Variants in ATL1 observed in about 807,000 individuals in gnomAD.
ATL1 encodes the protein atlastin-1.
ATL1 carries 31 observed loss-of-function variants against 75.5 expected under a neutral mutation model. The ratio of observed to expected loss-of-function variants is 0.41; its 90% CI spans 0.31 to 0.55. The LOEUF is 0.55. Among genes scored for constraint, ATL1 ranks in the 20% least tolerant of loss-of-function variants. The pLI, the probability that ATL1 is intolerant of heterozygous loss-of-function variation, is 0.27. For synonymous variants in ATL1, 226 were observed against 233.3 expected, an observed-to-expected ratio of 0.97 and a Z score of 0.28; for missense variants, 405 against 662.6, an observed-to-expected ratio of 0.61 and a Z score of 4.27.
intron 6 of ATL1, among the ~76,000 whole-genome samples, chr14:50,597,486 A>G (rs970727086): frequency 3.9e-5 from 6 of 152,110 alleles, no homozygotes; most frequent in Non-Finnish European, 5.9e-5. Context: ...AGTATTTACT[A>G]CCGGAGAGGA....
chr14:50,604,882 A>G (rs1845416), intron 6 of ATL1, among the ~76,000 whole-genome samples: 120,992 of 151,918 alleles, frequency 0.8, 48,945 homozygotes, highest in African/African-American at 0.94. Context: ...TGTACTGTAT[A>G]TGGTACCATC....
chr14:50,630,531 C>T (rs1047701768), intron 13 of ATL1, among the ~76,000 whole-genome samples: 1 of 152,154 alleles, frequency 6.6e-6, no homozygotes, highest in African/African-American at 2.4e-5. Flanking sequence ...TCTCCTACCG[C>T]ACATGTGCAA....
chr14:50,595,732 A>G (rs576571763), intron 6 of ATL1, 100 bp downstream of exon 6: 206 of 1,146,886 alleles, frequency 1.8e-4, no homozygotes, highest in Non-Finnish European at 2.5e-4. Context: ...TTTTTATTTC[A>G]TTGAGAAACC....
In ATL1 at chr14:50,618,579, A is replaced by G. The variant is rs147717466; in HGVS notation, c.863-2020A>G. 5.4e-3 allele frequency among the ~76,000 whole-genome samples: 827 copies of G among 152,326 alleles called. 12 individuals are homozygous for G. Among genetic ancestry groups the G allele is most frequent in the African/African-American group, 0.019 (792 of 41,584 alleles). ...TCATGCTTGTGTGTGTTATAAAAGA[A>G]GTAAAGAAAACAAATTCTAACATAA... On this transcript the variant is annotated intron_variant, in intron 8 of 13. Transcript: ENST00000358385.
chr14:50,619,338 C>T (rs937406280), intron 8 of ATL1, among the ~76,000 whole-genome samples: 29 of 152,084 alleles, frequency 1.9e-4, no homozygotes, highest in African/African-American at 5.1e-4. Flanking sequence ...GGATTACAGG[C>T]GTAAGCCACT....
intron 9 of ATL1, among the ~76,000 whole-genome samples, chr14:50,621,246 C>T (rs1050252146): frequency 6.6e-6 from 1 of 152,156 alleles, no homozygotes; most frequent in African/African-American, 2.4e-5. Flanking sequence ...TTTTACCAAC[C>T]CGTATATATC....
intron 1 of ATL1, among the ~76,000 whole-genome samples, chr14:50,539,214 A>G (rs572188812): frequency 1.8e-4 from 28 of 152,366 alleles, no homozygotes; most frequent in South Asian, 6.2e-4. Context: ...CAATTACTCA[A>G]ACTATCAGCA....
intron 1 of ATL1, among the ~76,000 whole-genome samples, chr14:50,535,867 G>C (rs2038484785): frequency 6.6e-6 from 1 of 152,162 alleles, no homozygotes; most frequent in East Asian, 1.9e-4. Flanking sequence ...GGAGGGACCA[G>C]GTAGGAGGTA....
chr14:50,613,912 T>C (rs1160044150), intron 7 of ATL1, among the ~76,000 whole-genome samples: 1 of 152,214 alleles, frequency 6.6e-6, no homozygotes, highest in Non-Finnish European at 1.5e-5. Context: ...GAGGGTGATT[T>C]AGCTTGTAAG....
At chr14:50,543,436 T>G (rs2038590949) in intron 1 of ATL1, among the ~76,000 whole-genome samples, 1 of 152,218 alleles carries the variant, frequency 6.6e-6, no homozygotes, top group Admixed American at 6.5e-5. Flanking sequence ...TTGGAAAGCT[T>G]CTATTAGTGC....
chr14:50,614,132 A>G lies in ATL1; in HGVS notation c.724-241A>G, dbSNP rs572178051. Among the ~76,000 whole-genome samples, 30 of 152,332 alleles carry G rather than the reference A, an allele frequency of 2.0e-4. No homozygotes were observed. The East Asian group carries it at 4.6e-3, about 23-fold the overall frequency. ...TTTGTATTAAAAAATGGGAAGGTCC[A>G]TGTGAGTTAGCATAAGGGTAGACAC... On this transcript the variant is annotated intron_variant, in intron 7 of 13. Transcript: ENST00000358385.
At position 50,632,358 on chromosome 14, in the gene ATL1, C is replaced by G; in HGVS notation, c.*19C>G. 1 of 1,474,156 alleles carries G rather than the reference C, an allele frequency of 6.8e-7. No individual in the cohort carries two copies. The highest frequency in any genetic ancestry group is 1.7e-5 in the Admixed American group (1 of 59,634). 91.3% of individuals were successfully genotyped at this position (1,474,156 alleles called of 1,614,324 possible). A position where few individuals can be genotyped will look rare whatever the true frequency, so the allele number is the denominator to read the frequency against. Reference sequence around the variant, plus strand: ...AATGTAATGCAAATTTTAAGAAATACAGGTGCATGACCAATTGTCAATTAA... The same window carrying G: ...AATGTAATGCAAATTTTAAGAAATAGAGGTGCATGACCAATTGTCAATTAA... On this transcript the variant is annotated 3_prime_UTR_variant, in exon 14 of 14. Transcript: ENST00000358385.
intron 8 of ATL1, 41 bp downstream of exon 8, chr14:50,614,552 G>A: frequency 1.2e-6 from 2 of 1,602,496 alleles, no homozygotes; most frequent in African/African-American, 1.3e-5. Context: ...CACTTAGTCT[G>A]ATTATAAAAA....
rs1322460167 is a variant in ATL1 at position 50,562,917 on chromosome 14, T to C, written c.34+2618T>C. Among the ~76,000 whole-genome samples the C allele has an allele frequency of 3.9e-5, 6 of 152,198 alleles. No individual in the cohort carries two copies. In the East Asian group the frequency reaches 1.2e-3, roughly 29 times the overall value. Reference sequence around the variant, plus strand: ...GTATCTAATAGAATGCCTAACACAGTAGGCATTTAGTAACAGCAATAGTAG... The same window carrying C: ...GTATCTAATAGAATGCCTAACACAGCAGGCATTTAGTAACAGCAATAGTAG... On this transcript the variant is annotated intron_variant, in intron 1 of 13. Coordinates refer to ENST00000358385, the MANE Select transcript of ATL1 (RefSeq NM_015915.5).
intron 3 of ATL1, 49 bp from the exon 4 acceptor site, chr14:50,591,486 G>A (rs1195995763): frequency 2.5e-6 from 3 of 1,216,306 alleles, no homozygotes; most frequent in Non-Finnish European, 3.7e-6. Flanking sequence ...TAACCCTAAT[G>A]ACCTAGATGT....
Position 50,628,490 on chromosome 14 carries a change from A to G in ATL1, c.1551+28A>G, listed in dbSNP as rs752923203. 35 of 1,606,602 alleles carry G rather than the reference A, an allele frequency of 2.2e-5. No homozygotes were observed. The South Asian group carries it at 3.6e-4, about 17-fold the overall frequency. On this transcript the variant is annotated intron_variant, in intron 12 of 13. Transcript: ENST00000358385. ...AAGAACACCTTTAATTCACAACTAA[A>G]TTCAGCACACATTTGAATGTCATCC...
intron 1 of ATL1, among the ~76,000 whole-genome samples, chr14:50,537,395 G>A (rs2038507927): frequency 6.6e-6 from 1 of 152,218 alleles, no homozygotes; most frequent in Non-Finnish European, 1.5e-5. Flanking sequence ...TGCCCTCACG[G>A]AGAACCTCTG....
At chr14:50,629,015 C>T (rs1449907386) in intron 12 of ATL1, among the ~76,000 whole-genome samples, 2 of 152,100 alleles carry the variant, frequency 1.3e-5, no homozygotes, top group Non-Finnish European at 2.9e-5. Context: ...ACCCAGCCTA[C>T]TTTTTATTAT....
At chr14:50,576,501 A>G (rs1391528744) in intron 1 of ATL1, among the ~76,000 whole-genome samples, 2 of 152,200 alleles carry the variant, frequency 1.3e-5, no homozygotes, top group African/African-American at 4.8e-5. Flanking sequence ...AACTGAGTTT[A>G]ATTTAGCAAA....
Sources: allele counts gnomAD v4.1 joint callset (sites outside exome capture counted in the v4.1 genomes callset), GRCh38; gene constraint gnomAD v4.1.1; transcripts MANE v1.5; gene names NCBI Gene and HGNC (gene_info 2026-07-23, HGNC 2026-07-21).